Variants in SLC22A4 observed in about 807,000 individuals in gnomAD.
SLC22A4 encodes the protein solute carrier family 22 member 4.
SLC22A4 carries 39 observed loss-of-function variants against 56.6 expected under a neutral mutation model. The ratio of observed to expected loss-of-function variants is 0.69; its 90% CI spans 0.53 to 0.90. The LOEUF (loss-of-function observed/expected upper bound fraction) is 0.90. Among genes scored for constraint, SLC22A4 ranks in the 40% least tolerant of loss-of-function variants. The probability of loss-of-function intolerance (pLI) is 0.00; values close to 1 mark genes in which losing one functional copy is unlikely to be tolerated. For missense variants in SLC22A4, 594 were observed against 696.5 expected (o/e 0.85, Z 1.66); for synonymous variants, 241 against 281.4 (o/e 0.86, Z 1.44).
At chr5:132,336,780 A>T (rs75894124) in intron 8 of SLC22A4, among the ~76,000 whole-genome samples, 3 of 152,090 alleles carry the variant, frequency 2.0e-5, no homozygotes, top group Non-Finnish European at 2.9e-5. Flanking sequence ...CCGTTAAAAA[A>T]TTATATATAT....
chr5:132,300,586 T>G lies in SLC22A4; in HGVS notation c.393+5577T>G, dbSNP rs537121671. 5.9e-5 allele frequency among the ~76,000 whole-genome samples: 9 copies of G among 152,384 alleles called. No homozygotes were observed. The South Asian group carries it at 1.7e-3, about 28-fold the overall frequency. On this transcript the variant is annotated intron_variant, in intron 1 of 9. Coordinates refer to ENST00000200652, the MANE Select transcript of SLC22A4 (RefSeq NM_003059.3). The stretch of plus-strand genomic sequence containing the variant: ...TATATCAGTACAGGTTCATACATAC[T>G]TATTTTATTTCATCAGTTATAAACT...
intron 7 of SLC22A4, among the ~76,000 whole-genome samples, chr5:132,335,155 G>A (rs568901475): frequency 6.6e-6 from 1 of 152,324 alleles, no homozygotes; most frequent in East Asian, 1.9e-4. Context: ...CAAAGAGGAA[G>A]AGTAACTCTC....
At chr5:132,325,163 T>C (rs894209975) in intron 4 of SLC22A4, among the ~76,000 whole-genome samples, 2 of 152,078 alleles carry the variant, frequency 1.3e-5, no homozygotes, top group African/African-American at 4.8e-5. Flanking sequence ...GAAAAAAAGG[T>C]AGGATATTTC....
intron 6 of SLC22A4, among the ~76,000 whole-genome samples, chr5:132,332,767 C>CACAT (rs1001363235): frequency 6.7e-6 from 1 of 149,190 alleles, no homozygotes; most frequent in South Asian, 2.1e-4. Context: ...CACACACACA[C>CACAT]GATGATCGTC....
At chr5:132,321,006 T>A (rs1307842684) in intron 3 of SLC22A4, 1 of 152,212 alleles carries the variant, frequency 6.6e-6, no homozygotes, top group African/African-American at 2.4e-5. Context: ...AGGAGCTTTG[T>A]TCTTGGACTC....
intron 1 of SLC22A4, 123 bp from the exon 2 acceptor site, chr5:132,312,038 C>T: frequency 3.9e-6 from 3 of 778,218 alleles, no homozygotes; most frequent in Non-Finnish European, 4.7e-6. Flanking sequence ...TGTACAAAGG[C>T]AATATCCTGG....
At chr5:132,341,995 G>A (rs406912) in intron 9 of SLC22A4, among the ~76,000 whole-genome samples, 2 of 151,718 alleles carry the variant, frequency 1.3e-5, no homozygotes, top group Non-Finnish European at 2.9e-5. Flanking sequence ...AAAAATTTAG[G>A]CCTAAAAATG....
intron 5 of SLC22A4, among the ~76,000 whole-genome samples, chr5:132,331,060 A>G (rs920705721): frequency 3.3e-5 from 5 of 152,124 alleles, no homozygotes; most frequent in Admixed American, 1.3e-4. Context: ...AGAGAAGTGT[A>G]AAAAGCAAGG....
At position 132,334,780 on chromosome 5, in the gene SLC22A4, C is replaced by T. The variant is rs2126737548; in HGVS notation, c.1109C>T (p.Ala370Val). Residue 370 changes from alanine (A) to valine (V), a missense_variant, in exon 7 of 10, where the codon GCC becomes GTC. Ala to Val is a moderately conservative substitution (Grantham distance 64). Transcript: ENST00000200652. ...GATGCTCCTAATTTACATGGAGATG[C>T]CTACCTGAACTGTTTCCTCTCTGCC... ...SLDAPNLHGDAYLNCFLSALI... is the reference protein window; with the variant it reads ...SLDAPNLHGDVYLNCFLSALI... 1 of 1,614,046 alleles carries T rather than the reference C, an allele frequency of 6.2e-7. No individual in the cohort carries two copies. The highest frequency in any genetic ancestry group is 8.5e-7 in the Non-Finnish European group (1 of 1,179,922).
intron 8 of SLC22A4, among the ~76,000 whole-genome samples, chr5:132,340,323 GC>G (rs1751173224): frequency 6.6e-6 from 1 of 152,106 alleles, no homozygotes; most frequent in African/African-American, 2.4e-5. Context: ...CTGAGTAGTA[GC>G]TTAGAGGATA....
chr5:132,322,282 T>C lies in SLC22A4; in HGVS notation c.751T>C (p.Tyr251His), dbSNP rs1320877346. Residue 251 changes from tyrosine (Y) to histidine (H), a missense_variant, in exon 4 of 10, where the codon TAC becomes CAC. Coordinates refer to ENST00000200652, the MANE Select transcript of SLC22A4 (RefSeq NM_003059.3). ...CTATATGCTGCTGCCACTGTTTGCT[T>C]ACTTCATCAGAGACTGGCGGATGCT... ...VGYMLLPLFA[Y>H]FIRDWRMLLL... 3 of 1,614,116 alleles carry C rather than the reference T, an allele frequency of 1.9e-6. No individual in the cohort carries two copies. The South Asian group carries it at 3.3e-5, about 18-fold the overall frequency.
intron 3 of SLC22A4, among the ~76,000 whole-genome samples, chr5:132,315,245 C>T (rs577171703): frequency 7.2e-5 from 11 of 152,120 alleles, no homozygotes; most frequent in Non-Finnish European, 1.5e-4. Flanking sequence ...TACCAAAAGC[C>T]AAACAGGCCT....
intron 1 of SLC22A4, among the ~76,000 whole-genome samples, chr5:132,307,817 C>T (rs564100179): frequency 3.3e-5 from 5 of 152,122 alleles, no homozygotes; most frequent in Admixed American, 6.5e-5. Context: ...TTCTCAGTTC[C>T]GTGCAGGTCA....
chr5:132,332,063 C>T, intron 6 of SLC22A4: 3 of 512,040 alleles, frequency 5.9e-6, no homozygotes, highest in East Asian at 3.7e-5. Context: ...CCTGTAATTC[C>T]AGCACTTTGG....
intron 4 of SLC22A4, among the ~76,000 whole-genome samples, chr5:132,323,908 A>G (rs1750610011): frequency 6.6e-6 from 1 of 152,194 alleles, no homozygotes; most frequent in Non-Finnish European, 1.5e-5. Context: ...AAATGTTATA[A>G]TTAGCCAGGT....
intron 4 of SLC22A4, among the ~76,000 whole-genome samples, chr5:132,323,848 A>C (rs1750607810): frequency 6.6e-6 from 1 of 152,222 alleles, no homozygotes; most frequent in Non-Finnish European, 1.5e-5. Flanking sequence ...TTAATAAACT[A>C]TGTTCTCTGG....
rs145937427 is a variant in SLC22A4, at chr5:132,301,840, G to A, written c.393+6831G>A. On this transcript the variant is annotated intron_variant, in intron 1 of 9. Coordinates refer to ENST00000200652, the MANE Select transcript of SLC22A4 (RefSeq NM_003059.3). ...GGTTTGTGGAGTTTCTATCAGGCCT[G>A]CAGGCTGCCCTGGGACATTGCTCAC... Among the ~76,000 whole-genome samples, 124 of 152,326 alleles carry A rather than the reference G, an allele frequency of 8.1e-4. 2 individuals carry two copies. In the East Asian group the frequency reaches 0.019, roughly 23 times the overall value.
chr5:132,331,547 G>A (rs189529812), intron 5 of SLC22A4, among the ~76,000 whole-genome samples: 23 of 152,270 alleles, frequency 1.5e-4, no homozygotes, highest in Admixed American at 5.9e-4. Context: ...TATTTAAAAG[G>A]CTTCTGTGTA....
chr5:132,334,522 G>A lies in SLC22A4; in HGVS notation c.1047-196G>A, dbSNP rs76737266. Among the ~76,000 whole-genome samples, 4,134 of 152,286 alleles carry A rather than the reference G, an allele frequency of 0.027. 130 individuals carry two copies. The highest frequency in any genetic ancestry group is 0.077 in the African/African-American group (3,207 of 41,538). On this transcript the variant is annotated intron_variant, in intron 6 of 9. Coordinates refer to ENST00000200652, the MANE Select transcript of SLC22A4 (RefSeq NM_003059.3). Reference sequence around the variant, plus strand: ...TAGCCACTAGCTACACGTGGCTATTGAGCACTTGAAGTGTGGCTAGTGTAA... The same window carrying A: ...TAGCCACTAGCTACACGTGGCTATTAAGCACTTGAAGTGTGGCTAGTGTAA...
Sources: allele counts gnomAD v4.1 joint callset (sites outside exome capture counted in the v4.1 genomes callset), GRCh38; gene constraint gnomAD v4.1.1; transcripts MANE v1.5; gene names NCBI Gene and HGNC (gene_info 2026-07-23, HGNC 2026-07-21).